Variants in AKAP13 observed in about 807,000 individuals in gnomAD.
AKAP13 encodes the protein A-kinase anchor protein 13.
A neutral mutation model predicts 264.5 loss-of-function variants in AKAP13; 80 were observed. That is an observed-to-expected ratio of 0.30 (90% confidence interval 0.25 to 0.36). The LOEUF (loss-of-function observed/expected upper bound fraction) is 0.36. Among genes scored for constraint, AKAP13 ranks in the 10% least tolerant of loss-of-function variants. The pLI is 1.00. For missense variants in AKAP13, 3,712 were observed against 3,435.2 expected (o/e 1.08, Z -2.01); for synonymous variants, 1,380 against 1,250.2 (o/e 1.10, Z -2.19).
At chr15:85,704,412 A>G (rs1043723826) in intron 17 of AKAP13, among the ~76,000 whole-genome samples, 13 of 152,242 alleles carry the variant, frequency 8.5e-5, no homozygotes, top group African/African-American at 3.1e-4. Flanking sequence ...AAAAACACAT[A>G]GTATATAACC....
chr15:85,590,515 A>G (rs1233424993), intron 8 of AKAP13, among the ~76,000 whole-genome samples: 2 of 152,212 alleles, frequency 1.3e-5, no homozygotes, highest in African/African-American at 2.4e-5. Context: ...GCTGAAAATC[A>G]TAGTTCATGA....
rs944155469 is a variant in AKAP13, at chr15:85,732,642, T to C, written c.7282+1935T>C. On this transcript the variant is annotated intron_variant, in intron 30 of 36. Coordinates refer to ENST00000394518, the MANE Select transcript of AKAP13 (RefSeq NM_007200.5). ...ACATCTCTATTTCCTTTCTTTCACA[T>C]TGCAAATCCTTGTTCTTAAGGATAC... Among the ~76,000 whole-genome samples the C allele has an allele frequency of 5.3e-5, 8 of 150,554 alleles. No homozygotes were observed. In the South Asian group the frequency reaches 1.0e-3, roughly 20 times the overall value.
intron 30 of AKAP13, 137 bp from the exon 31 acceptor site, chr15:85,734,855 C>A: frequency 8.5e-7 from 1 of 1,181,292 alleles, no homozygotes; most frequent in Non-Finnish European, 1.2e-6. Context: ...TGAGACCCTT[C>A]TCTGAGCAAA....
intron 5 of AKAP13, among the ~76,000 whole-genome samples, chr15:85,560,123 C>A (rs2078308677): frequency 9.3e-6 from 1 of 107,016 alleles, no homozygotes; most frequent in African/African-American, 3.9e-5. Flanking sequence ...CCTGCTGTCT[C>A]CACCTAAAAA....
chr15:85,722,534 A>AT (rs1006639149), intron 25 of AKAP13, among the ~76,000 whole-genome samples, 187 bp downstream of exon 25: 6 of 152,248 alleles, frequency 3.9e-5, no homozygotes, highest in Admixed American at 1.3e-4. Context: ...GATAGATGAT[A>AT]GCAAGAAGGA....
chr15:85,433,356 C>T (rs2073114610), intron 1 of AKAP13, among the ~76,000 whole-genome samples: 1 of 152,098 alleles, frequency 6.6e-6, no homozygotes, highest in South Asian at 2.1e-4. Flanking sequence ...ATCCAAAATG[C>T]TTGTGACCAC....
chr15:85,705,533 G>A (rs2086181948), intron 17 of AKAP13, among the ~76,000 whole-genome samples: 1 of 151,958 alleles, frequency 6.6e-6, no homozygotes, highest in South Asian at 2.1e-4. Flanking sequence ...GCGATAAATG[G>A]ATTATGCAAA....
chr15:85,644,431 G>T (rs1050861824), intron 9 of AKAP13, among the ~76,000 whole-genome samples: 3 of 151,026 alleles, frequency 2.0e-5, no homozygotes, highest in Non-Finnish European at 4.4e-5. Context: ...TAGTAGAGAC[G>T]GGGTTTCACC....
intron 9 of AKAP13, among the ~76,000 whole-genome samples, chr15:85,641,603 A>G (rs944648659): frequency 2.0e-5 from 3 of 151,664 alleles, no homozygotes; most frequent in African/African-American, 7.3e-5. Context: ...CTCCTGCCTC[A>G]GCCTTCTGAG....
In AKAP13 at chr15:85,718,497, C is replaced by T. The variant is rs1208184902; in HGVS notation, c.6001+338C>T. 1.3e-5 allele frequency among the ~76,000 whole-genome samples: 2 copies of T among 152,090 alleles called. No homozygotes were observed. The highest frequency in any genetic ancestry group is 2.4e-5 in the African/African-American group (1 of 41,400). Reference sequence around the variant, plus strand: ...TGAGAACTGGGTATACAGTCAGTTACGACAGGTGCTGAATCCAGTGAAGAC... The same window carrying T: ...TGAGAACTGGGTATACAGTCAGTTATGACAGGTGCTGAATCCAGTGAAGAC... On this transcript the variant is annotated intron_variant, in intron 22 of 36. Transcript: ENST00000394518. The surrounding 1 kb of genome is among the most constrained non-coding windows in gnomAD (Gnocchi z 4.9).
chr15:85,512,700 C>T (rs1305290673), intron 2 of AKAP13, among the ~76,000 whole-genome samples: 1 of 152,176 alleles, frequency 6.6e-6, no homozygotes, highest in Non-Finnish European at 1.5e-5. Flanking sequence ...GCAGTATTTG[C>T]AAAGCACCTC....
At chr15:85,693,860 A>G (rs928911968) in intron 17 of AKAP13, among the ~76,000 whole-genome samples, 12 of 152,212 alleles carry the variant, frequency 7.9e-5, no homozygotes, top group African/African-American at 1.2e-4. Flanking sequence ...TTGGCCAACT[A>G]TAGTCTAATG....
intron 1 of AKAP13, among the ~76,000 whole-genome samples, chr15:85,420,202 A>G (rs1326624159): frequency 6.6e-6 from 1 of 151,442 alleles, no homozygotes; most frequent in Non-Finnish European, 1.5e-5. Context: ...CGGCCTCCCA[A>G]AGTGCTGGGA....
intron 3 of AKAP13, among the ~76,000 whole-genome samples, chr15:85,523,444 C>T (rs2076903540): frequency 6.6e-6 from 1 of 152,184 alleles, no homozygotes; most frequent in Non-Finnish European, 1.5e-5. Flanking sequence ...GGCCCTTACT[C>T]AGTATCACCT....
chr15:85,409,923 G>A (rs997761586), intron 1 of AKAP13, among the ~76,000 whole-genome samples: 3 of 151,544 alleles, frequency 2.0e-5, no homozygotes, highest in East Asian at 1.9e-4. Context: ...GAGACACCGC[G>A]CCTGGCCTGA....
chr15:85,683,432 A>G lies in AKAP13; in HGVS notation c.5156+1220A>G, dbSNP rs190747349. ...TATAAATGGATGCCTTTTCTATATA[A>G]CGGATTGTTTATTTGAATGCCCAGC... On this transcript the variant is annotated intron_variant, in intron 15 of 36. Transcript: ENST00000394518. 2.6e-5 allele frequency: 4 copies of G among 152,276 alleles called. No homozygotes were observed. The East Asian group carries it at 5.8e-4, about 22-fold the overall frequency. The allele number at this position is 152,276 out of a possible 1,614,324, so 9.4% of individuals were successfully genotyped here. A position where few individuals can be genotyped will look rare whatever the true frequency, so the allele number is the denominator to read the frequency against.
At chr15:85,573,926 G>T (rs1008870971) in intron 5 of AKAP13, among the ~76,000 whole-genome samples, 2 of 152,198 alleles carry the variant, frequency 1.3e-5, no homozygotes, top group Admixed American at 6.5e-5. Context: ...CACCATAGAT[G>T]TAGTTTTTTA....
rs988226716 is a variant in AKAP13, at chr15:85,578,985, A to G, written c.917A>G (p.Asp306Gly). 5 of 1,614,068 alleles carry G rather than the reference A, an allele frequency of 3.1e-6. No individual in the cohort carries two copies. Among genetic ancestry groups the G allele is most frequent in the Non-Finnish European group, 4.2e-6 (5 of 1,180,014 alleles). ...SLMPLMMTAQ[D>G]PSSAPETDGQ... ...ATGCCCTTAATGATGACAGCACAGG[A>G]TCCTTCCAGTGCCCCAGAGACAGAT... Residue 306 changes from aspartate (D) to glycine (G), a missense_variant, in exon 7 of 37, where the codon GAT becomes GGT. Around this residue, in one of 3 missense-constraint regions of AKAP13, gnomAD observed 2,759 missense variants for 2,411.7 expected, o/e 1.14. Transcript: ENST00000394518.
chr15:85,403,063 A>G (rs1457182263), intron 1 of AKAP13, among the ~76,000 whole-genome samples: 1 of 152,200 alleles, frequency 6.6e-6, no homozygotes, highest in Non-Finnish European at 1.5e-5. Context: ...TGATTTGATT[A>G]TATTGTATAT....
Sources: allele counts gnomAD v4.1 joint callset (sites outside exome capture counted in the v4.1 genomes callset), GRCh38; gene constraint gnomAD v4.1.1; regional missense constraint gnomAD v4.1.1; non-coding constraint Gnocchi (gnomAD v3.1); transcripts MANE v1.5; gene names NCBI Gene and HGNC (gene_info 2026-07-23, HGNC 2026-07-21).